The following WSCD2 variants were observed in gnomAD, a reference collection of about 807,000 sequenced individuals.
The protein encoded by WSCD2 is sialate:O-sulfotransferase 2.
In WSCD2, 28 loss-of-function variants were observed where a neutral mutation model predicts 55.7. The observed-to-expected ratio is 0.50, with a 90% CI of 0.37 to 0.69. The LOEUF (loss-of-function observed/expected upper bound fraction) is 0.69, where lower values mean the gene tolerates loss of function less well. Among genes scored for constraint, WSCD2 ranks in the 30% least tolerant of loss-of-function variants. The pLI is 0.00. For missense variants in WSCD2, 616 were observed against 762.1 expected, an observed-to-expected ratio of 0.81 and a Z score of 2.26; for synonymous variants, 301 against 301.9, an observed-to-expected ratio of 1.00 and a Z score of 0.03.
rs150092964 is a variant in WSCD2 at position 108,246,117 on chromosome 12, C to A, written c.1346-1874C>A. On this transcript the variant is annotated intron_variant, in intron 8 of 8. Transcript: ENST00000547525. ...AAGATCCATCCTGGAACCAGGCAGG[C>A]CTGATCTGGACGGTCCTTCCTGGCT... is the stretch of plus-strand genomic sequence containing the variant. Among the ~76,000 whole-genome samples the A allele has an allele frequency of 8.1e-3, 1,237 of 152,358 alleles. 5 individuals are homozygous for A. The highest frequency in any genetic ancestry group is 0.014 in the Non-Finnish European group (983 of 68,036).
intron 1 of WSCD2, among the ~76,000 whole-genome samples, chr12:108,192,825 T>C (rs7302712): frequency 4.7e-4 from 71 of 152,266 alleles, no homozygotes; most frequent in African/African-American, 1.7e-3. Context: ...CCCCAGGCAG[T>C]TGCAGACCCT....
At chr12:108,239,872 C>A (rs11113781) in intron 7 of WSCD2, among the ~76,000 whole-genome samples, 67,108 of 151,854 alleles carry the variant, frequency 0.44, 15,373 homozygotes, top group East Asian at 0.54. Context: ...TGCCACCATG[C>A]CTGGCTAATT....
At chr12:108,165,816 CTAAA>C (rs1242854329) in intron 1 of WSCD2, among the ~76,000 whole-genome samples, 1 of 152,150 alleles carries the variant, frequency 6.6e-6, no homozygotes, top group Non-Finnish European at 1.5e-5. Context: ...ATGACTTTCC[CTAAA>C]TAGAGGTTAA....
In WSCD2 at chr12:108,242,155, C is replaced by T. The variant is rs75733846; in HGVS notation, c.1345+1611C>T. On this transcript the variant is annotated intron_variant, in intron 8 of 8. Coordinates refer to ENST00000547525, the MANE Select transcript of WSCD2 (RefSeq NM_014653.4). ...AGAGGAACAGAGCAGGGCAGGATGA[C>T]GTAACTCAGCAATTCACCCATAACA... 8.2e-3 allele frequency among the ~76,000 whole-genome samples: 1,253 copies of T among 152,314 alleles called. 12 individuals are homozygous for T. The highest frequency in any genetic ancestry group is 0.02 in the Middle Eastern group (6 of 294).
intron 1 of WSCD2, among the ~76,000 whole-genome samples, chr12:108,137,275 T>C (rs1876325766): frequency 6.6e-6 from 1 of 152,224 alleles, no homozygotes; most frequent in South Asian, 2.1e-4. Flanking sequence ...CTGCATGCCA[T>C]TTACCCTGGG....
intron 8 of WSCD2, among the ~76,000 whole-genome samples, chr12:108,247,510 C>T (rs1029951641): frequency 2.6e-5 from 4 of 152,016 alleles, no homozygotes; most frequent in Non-Finnish European, 5.9e-5. Flanking sequence ...TGAGAAGTAT[C>T]GGGGTGTGTT....
chr12:108,168,679 C>T (rs2136961502), intron 1 of WSCD2, among the ~76,000 whole-genome samples: 1 of 152,352 alleles, frequency 6.6e-6, no homozygotes, highest in South Asian at 2.1e-4. Flanking sequence ...AAGCATTTAA[C>T]ATAGGGCTGG....
At chr12:108,167,400 T>C (rs1879779205) in intron 1 of WSCD2, 1 of 152,118 alleles carries the variant, frequency 6.6e-6, no homozygotes, top group Non-Finnish European at 1.5e-5. Context: ...CCCACTCCAA[T>C]CTCTCAATTT....
chr12:108,239,929 C>G (rs1889590438), intron 7 of WSCD2, among the ~76,000 whole-genome samples: 1 of 152,014 alleles, frequency 6.6e-6, no homozygotes, highest in Non-Finnish European at 1.5e-5. Flanking sequence ...CTATGTTGCC[C>G]AGGCTGGTTT....
At chr12:108,170,611 C>T (rs1880136574) in intron 1 of WSCD2, among the ~76,000 whole-genome samples, 1 of 152,172 alleles carries the variant, frequency 6.6e-6, no homozygotes, top group African/African-American at 2.4e-5. Context: ...GTTATTTCAC[C>T]TCTCAGAGAC....
intron 1 of WSCD2, among the ~76,000 whole-genome samples, chr12:108,192,410 T>C (rs1883300157): frequency 6.6e-6 from 1 of 152,176 alleles, no homozygotes; most frequent in Non-Finnish European, 1.5e-5. Flanking sequence ...AGTCCACCTC[T>C]GTTCTTGCCT....
chr12:108,168,981 C>T (rs1029824449), intron 1 of WSCD2, among the ~76,000 whole-genome samples: 3 of 152,172 alleles, frequency 2.0e-5, no homozygotes, highest in East Asian at 1.9e-4. Context: ...GTATTTACAG[C>T]CACTCCTCAT....
chr12:108,134,175 C>T (rs959796631), intron 1 of WSCD2, among the ~76,000 whole-genome samples: 2 of 152,172 alleles, frequency 1.3e-5, no homozygotes, highest in African/African-American at 4.8e-5. Context: ...TGTGGGGCCC[C>T]TTTTCAAGGT....
At chr12:108,140,691 C>A (rs924427835) in intron 1 of WSCD2, among the ~76,000 whole-genome samples, 1 of 152,186 alleles carries the variant, frequency 6.6e-6, no homozygotes, top group Non-Finnish European at 1.5e-5. Context: ...CTCATGATCC[C>A]CCAGCCAGGG....
rs750007636 is a variant in WSCD2 at position 108,240,544 on chromosome 12, G to A, written c.1345G>A (p.Glu449Lys). Reference sequence around the variant, plus strand: ...TGCGCATGCCCACTGGAAGGGCAAAGGTACAGCTCGGGAGAGGAGGGGAGG... The same window carrying A: ...TGCGCATGCCCACTGGAAGGGCAAAAGTACAGCTCGGGAGAGGAGGGGAGG... ...FAAHAHWKGK[E>K]WPEFVRNYAP... Residue 449 changes from glutamate to lysine, a missense_variant and splice_region_variant, in exon 8 of 9, where the codon GAG becomes AAG. By Grantham distance (56) the Glu-to-Lys change is moderately conservative. Coordinates refer to ENST00000547525, the MANE Select transcript of WSCD2 (RefSeq NM_014653.4). 6.4e-7 allele frequency: 1 copy of A among 1,574,778 alleles called. No homozygotes were observed. The highest frequency in any genetic ancestry group is 8.6e-7 in the Non-Finnish European group (1 of 1,159,544).
chr12:108,232,642 T>A (rs533378727), intron 6 of WSCD2, 89 bp from the exon 7 acceptor site: 1 of 1,301,332 alleles, frequency 7.7e-7, no homozygotes, highest in African/African-American at 1.5e-5. Context: ...GGCTGAGAAG[T>A]GGCAGGGGTG....
At chr12:108,177,878 C>T (rs921919415) in intron 1 of WSCD2, among the ~76,000 whole-genome samples, 2 of 152,006 alleles carry the variant, frequency 1.3e-5, no homozygotes, top group Admixed American at 6.6e-5. Flanking sequence ...CTCTAGGAGC[C>T]AGGGGAATGT....
intron 1 of WSCD2, among the ~76,000 whole-genome samples, chr12:108,171,372 C>T (rs1880225757): frequency 1.3e-5 from 2 of 152,152 alleles, no homozygotes; most frequent in Admixed American, 6.5e-5. Context: ...GCTACAATTA[C>T]ACCATTTATT....
At chr12:108,226,901 G>A in intron 5 of WSCD2, 89 bp from the exon 6 acceptor site, 1 of 1,439,686 alleles carries the variant, frequency 6.9e-7, no homozygotes, top group Non-Finnish European at 9.3e-7. Context: ...GACAGTGGTT[G>A]AAATGCAAAT....
Sources: gnomAD v4.1 joint callset for allele counts (sites outside exome capture counted in the v4.1 genomes callset) on GRCh38, gnomAD v4.1.1 for gene constraint, MANE v1.5 for transcripts, NCBI Gene and HGNC (gene_info 2026-07-23, HGNC 2026-07-21) for gene names.